The following ZFAT variants were observed in gnomAD, a reference collection of about 807,000 sequenced individuals.
The protein encoded by ZFAT is zinc finger protein ZFAT.
A neutral mutation model predicts 117.7 loss-of-function variants in ZFAT; 64 were observed. That is an observed-to-expected ratio of 0.54 (90% CI 0.44 to 0.67). The LOEUF is 0.67. Ranked by LOEUF, ZFAT falls within the 30% of genes least tolerant of loss-of-function variation. The probability of loss-of-function intolerance (pLI) is 0.00; values close to 1 mark genes in which losing one functional copy is unlikely to be tolerated. For synonymous variants in ZFAT, 679 were observed against 615.0 expected (o/e 1.10, Z -1.54); for missense variants, 1,433 against 1,584.5 (o/e 0.90, Z 1.62).
the ZFAT span, among the ~76,000 whole-genome samples, chr8:134,829,133 G>C: frequency 1.3e-5 from 2 of 152,220 alleles, no homozygotes; most frequent in African/African-American, 4.8e-5. Context: ...TTACTCAATG[G>C]TGAAAAGCAT....
At chr8:134,635,190 G>T (rs1830132641) in intron 3 of ZFAT, among the ~76,000 whole-genome samples, 1 of 152,124 alleles carries the variant, frequency 6.6e-6, no homozygotes, top group African/African-American at 2.4e-5. Context: ...TGACCCTAAG[G>T]GCAGTGCAGA....
At chr8:134,766,423 C>T in the ZFAT span, 2 of 152,204 alleles carry the variant, frequency 1.3e-5, no homozygotes. Flanking sequence ...ACAAATCTCC[C>T]TGTACCTATT....
intron 1 of ZFAT, among the ~76,000 whole-genome samples, chr8:134,703,209 G>C (rs1365730674): frequency 6.6e-6 from 1 of 152,222 alleles, no homozygotes; most frequent in Admixed American, 6.5e-5. Flanking sequence ...GTACGTAGTA[G>C]TGTCTCATTG....
chr8:134,519,534 T>G (rs1259185181), intron 13 of ZFAT, among the ~76,000 whole-genome samples: 1 of 152,242 alleles, frequency 6.6e-6, no homozygotes, highest in Non-Finnish European at 1.5e-5. Flanking sequence ...AACTAACTGT[T>G]GTATGTTGAT....
intron 15 of ZFAT, among the ~76,000 whole-genome samples, chr8:134,505,704 A>T (rs1819357439): frequency 6.6e-6 from 1 of 152,198 alleles, no homozygotes; most frequent in South Asian, 2.1e-4. Context: ...CAAGGAGTGC[A>T]GGTGGCCTCT....
At chr8:134,570,784 G>A (rs941768638) in intron 10 of ZFAT, among the ~76,000 whole-genome samples, 1 of 152,160 alleles carries the variant, frequency 6.6e-6, no homozygotes, top group Non-Finnish European at 1.5e-5. Flanking sequence ...AAAGTCATAG[G>A]AGATTGGACT....
At chr8:134,683,036 CCT>C (rs1174692233) in intron 1 of ZFAT, among the ~76,000 whole-genome samples, 47 of 152,214 alleles carry the variant, frequency 3.1e-4, no homozygotes, top group Admixed American at 2.9e-3. Context: ...ACTAGCACCC[CCT>C]GTCAGAAAAT....
chr8:134,638,432 G>A (rs555203833), intron 2 of ZFAT, among the ~76,000 whole-genome samples: 47 of 151,986 alleles, frequency 3.1e-4, no homozygotes, highest in East Asian at 5.8e-4. Context: ...GGGGCCAGGC[G>A]CGGTGGCTCA....
At chr8:134,813,965 G>A in the ZFAT span, among the ~76,000 whole-genome samples, 1 of 152,008 alleles carries the variant, frequency 6.6e-6, no homozygotes, top group Non-Finnish European at 1.5e-5. Flanking sequence ...TTGTGTGGGA[G>A]ACAAAAAGTT....
intron 2 of ZFAT, among the ~76,000 whole-genome samples, chr8:134,646,331 A>G (rs1049604817): frequency 2.8e-4 from 42 of 152,320 alleles, no homozygotes; most frequent in African/African-American, 8.4e-4. Context: ...CATTGGGCCA[A>G]AAAGGAAATC....
At chr8:134,590,831 C>G (rs1039045775) in intron 7 of ZFAT, among the ~76,000 whole-genome samples, 2 of 152,138 alleles carry the variant, frequency 1.3e-5, no homozygotes, top group Admixed American at 6.5e-5. Flanking sequence ...TCACCACGAC[C>G]CCCCTCACCA....
At chr8:134,722,222 C>T in the ZFAT span, among the ~76,000 whole-genome samples, 2 of 152,228 alleles carry the variant, frequency 1.3e-5, no homozygotes, top group African/African-American at 4.8e-5. Context: ...GTGGGAGGCA[C>T]ACCTCAGAGG....
At chr8:134,622,524 T>C (rs564905944) in intron 3 of ZFAT, among the ~76,000 whole-genome samples, 4 of 152,174 alleles carry the variant, frequency 2.6e-5, no homozygotes, top group African/African-American at 9.6e-5. Flanking sequence ...GAGGGGACCA[T>C]TACTTAAGGA....
At chr8:134,628,273 T>C (rs1004679080) in intron 3 of ZFAT, among the ~76,000 whole-genome samples, 2 of 152,068 alleles carry the variant, frequency 1.3e-5, no homozygotes, top group Non-Finnish European at 2.9e-5. Context: ...GCAAAAAGAA[T>C]GACATGTACA....
chr8:134,781,124 CTTA>C, the ZFAT span, among the ~76,000 whole-genome samples: 2 of 151,872 alleles, frequency 1.3e-5, no homozygotes, highest in Non-Finnish European at 2.9e-5. Flanking sequence ...TAGAAATCTT[CTTA>C]TTATTTACTT....
chr8:134,695,659 A>G (rs1343721687), intron 1 of ZFAT, among the ~76,000 whole-genome samples: 1 of 132,844 alleles, frequency 7.5e-6, no homozygotes, highest in Non-Finnish European at 1.6e-5. Flanking sequence ...AGCCTGGGTC[A>G]TCTCTAACAA....
At chr8:134,525,616 T>C (rs1383496225) in intron 12 of ZFAT, among the ~76,000 whole-genome samples, 1 of 152,200 alleles carries the variant, frequency 6.6e-6, no homozygotes, top group Non-Finnish European at 1.5e-5. Flanking sequence ...GTTCTATTAT[T>C]GGGGTTTCTG....
intron 11 of ZFAT, among the ~76,000 whole-genome samples, chr8:134,564,748 C>T (rs1259823609): frequency 1.3e-5 from 2 of 152,176 alleles, no homozygotes; most frequent in Non-Finnish European, 2.9e-5. Flanking sequence ...TTACTGAACA[C>T]ATTACTGGAC....
chr8:134,520,837 C>G (rs1820602110), intron 13 of ZFAT, 46 bp downstream of exon 13: 2 of 1,496,284 alleles, frequency 1.3e-6, no homozygotes, highest in Non-Finnish European at 1.9e-6. Flanking sequence ...GGTTTGTCAT[C>G]TGTGTTTTGA....
Sources: gnomAD v4.1 joint callset for allele counts (sites outside exome capture counted in the v4.1 genomes callset) on GRCh38, gnomAD v4.1.1 for gene constraint, MANE v1.5 for transcripts, NCBI Gene and HGNC (gene_info 2026-07-23, HGNC 2026-07-21) for gene names.